Variants in RIPOR2 observed in about 807,000 individuals in gnomAD.
RIPOR2 encodes the protein rho family-interacting cell polarization regulator 2.
Under a neutral mutation model 114.5 loss-of-function variants are expected in RIPOR2, and 39 were observed. That is an observed-to-expected ratio of 0.34 (90% CI 0.26 to 0.44). The LOEUF (loss-of-function observed/expected upper bound fraction) is 0.44. RIPOR2 is among the 20% of genes least tolerant of loss of function. The pLI, the probability that RIPOR2 is intolerant of heterozygous loss-of-function variation, is 1.00. For missense variants in RIPOR2, 1,007 were observed against 1,255.1 expected (o/e 0.80, Z 2.99); for synonymous variants, 445 against 484.4 (o/e 0.92, Z 1.07).
chr6:24,927,318 TACCACCATCACCACC>T (rs1771012211), intron 1 of RIPOR2, among the ~76,000 whole-genome samples: 1 of 4,010 alleles, frequency 2.5e-4, no homozygotes, highest in East Asian at 7.5e-3. Context: ...CTACAATCAC[TACCACCATCACCACC>T]ACCACCACCA....
In RIPOR2 at chr6:24,883,370, T is replaced by C. The variant is rs1415363679; in HGVS notation, c.62-7553A>G. ...GACCAACCCCTCTGAGACAAGACAA[T>C]TGACCCATAGATCAGTTGGCTGTAG... is the stretch of plus-strand genomic sequence containing the variant. On this transcript the variant is annotated intron_variant, in intron 1 of 21. Coordinates refer to ENST00000643898, the MANE Select transcript of RIPOR2 (RefSeq NM_001286445.3). This position sits in a 1 kb window ranked among gnomAD's most constrained non-coding sequence, Gnocchi z 4.1. Among the ~76,000 whole-genome samples, 1 of 152,152 alleles carries C rather than the reference T, an allele frequency of 6.6e-6. No individual in the cohort carries two copies. The highest frequency in any genetic ancestry group is 2.4e-5 in the African/African-American group (1 of 41,444).
chr6:24,841,683 T>A (rs1390805047), intron 13 of RIPOR2, among the ~76,000 whole-genome samples: 3 of 151,628 alleles, frequency 2.0e-5, no homozygotes, highest in African/African-American at 7.3e-5. Flanking sequence ...AGTGACGTGA[T>A]CTCGGCTCAC....
Position 24,835,748 on chromosome 6 carries a change from G to A in RIPOR2, c.2163C>T (p.Asp721=). 6.4e-7 allele frequency: 1 copy of A among 1,551,654 alleles called. No homozygotes were observed. The highest frequency in any genetic ancestry group is 1.4e-5 in the African/African-American group (1 of 73,166). ...LPLTTGNESL[D]ITIVRHLQYC... Reference sequence around the variant, plus strand: ...ACTGGAGGTGCCTGACGATGGTGATGTCCAGGCTCTCGTTGCCTGTGGTCA... The same window carrying A: ...ACTGGAGGTGCCTGACGATGGTGATATCCAGGCTCTCGTTGCCTGTGGTCA... The change falls in exon 15 of 22, where the codon GAC becomes GAT. Residue 721 remains aspartate (D), a synonymous_variant. Transcript: ENST00000643898.
In RIPOR2 at chr6:24,872,938, C is replaced by T; in HGVS notation, c.366G>A (p.Gln122=). 6.2e-7 allele frequency: 1 copy of T among 1,611,458 alleles called. No homozygotes were observed. Among genetic ancestry groups the T allele is most frequent in the Non-Finnish European group, 8.5e-7 (1 of 1,177,764 alleles). The change falls in exon 4 of 22, where the codon CAG becomes CAA. Residue 122 remains glutamine (Q), a synonymous_variant. Transcript: ENST00000643898. ...GAGCTGTCAACTTGTCCAGCTCCGT[C>T]TGGTGAACCTCCAGATATTCACTGC... is the stretch of plus-strand genomic sequence containing the variant. ...NGLDEYLEVH[Q]TELDKLTAQL... is the part of the protein sequence containing the mutation.
intron 1 of RIPOR2, chr6:25,024,142 C>T (rs1444897957): frequency 4.0e-6 from 4 of 1,011,674 alleles, no homozygotes; most frequent in African/African-American, 1.6e-5. Context: ...CCGGTGGCGC[C>T]GCGGGACACC....
intron 1 of RIPOR2, among the ~76,000 whole-genome samples, chr6:24,925,690 G>A (rs1290827779): frequency 1.3e-5 from 2 of 149,776 alleles, no homozygotes; most frequent in Non-Finnish European, 3.0e-5. Flanking sequence ...GACAGAGTGA[G>A]ACTCCATCTC....
rs1316865702 is a variant in RIPOR2, at chr6:24,858,819, C to T, written c.715+2154G>A. ...TCAGTCCATCAGGGCTGCGATGTAG[C>T]GGGGTGGCCAGGTCCCCCAGTAGGT... On this transcript the variant is annotated intron_variant, in intron 8 of 21. Coordinates refer to ENST00000643898, the MANE Select transcript of RIPOR2 (RefSeq NM_001286445.3). This position sits in a 1 kb window ranked among gnomAD's most constrained non-coding sequence, Gnocchi z 4.0. Among the ~76,000 whole-genome samples the T allele has an allele frequency of 2.0e-5, 3 of 152,128 alleles. No individual in the cohort carries two copies. The highest frequency in any genetic ancestry group is 7.2e-5 in the African/African-American group (3 of 41,420).
rs535032525 is a variant in RIPOR2 at position 24,858,913 on chromosome 6, G to T, written c.715+2060C>A. ...AAGCTCCAGATCTGGTCCGAGGGTG[G>T]TCCCTTTCCTCCCCATCCCACTCCT... On this transcript the variant is annotated intron_variant, in intron 8 of 21. Transcript: ENST00000643898. The surrounding 1 kb of genome is among the most constrained non-coding windows in gnomAD (Gnocchi z 4.0). Among the ~76,000 whole-genome samples, 55 of 152,102 alleles carry T rather than the reference G, an allele frequency of 3.6e-4. No homozygotes were observed. Among genetic ancestry groups the T allele is most frequent in the Non-Finnish European group, 6.5e-4 (44 of 68,010 alleles).
At chr6:24,897,669 C>G (rs546397471) in intron 1 of RIPOR2, among the ~76,000 whole-genome samples, 1 of 152,280 alleles carries the variant, frequency 6.6e-6, no homozygotes. Context: ...GAGTTGGCTC[C>G]GAGGCAATTT....
At chr6:24,951,516 G>T (rs914086006) in intron 1 of RIPOR2, among the ~76,000 whole-genome samples, 2 of 152,134 alleles carry the variant, frequency 1.3e-5, no homozygotes, top group Non-Finnish European at 2.9e-5. Context: ...AGAGAATTCC[G>T]AAGCAACTGT....
chr6:24,850,013 G>T, intron 10 of RIPOR2, 63 bp from the exon 11 acceptor site: 3 of 1,418,856 alleles, frequency 2.1e-6, no homozygotes, highest in South Asian at 1.3e-5. Flanking sequence ...GTAGAATAAT[G>T]TGTCATTTTT....
At chr6:24,872,992 T>A in intron 3 of RIPOR2, 33 bp from the exon 4 acceptor site, 1 of 1,438,876 alleles carries the variant, frequency 6.9e-7, no homozygotes, top group Non-Finnish European at 9.8e-7. Context: ...AATCGTAATC[T>A]CTGCGCCTGT....
At chr6:24,886,518 T>C (rs1251051036) in intron 1 of RIPOR2, among the ~76,000 whole-genome samples, 1 of 152,240 alleles carries the variant, frequency 6.6e-6, no homozygotes, top group African/African-American at 2.4e-5. Flanking sequence ...GGACAGTTTC[T>C]TGGCAATTCT....
At position 25,015,906 on chromosome 6, in the gene RIPOR2, T is replaced by G. The variant is rs1437969843; in HGVS notation, c.76+25945A>C. 20 of 135,812 alleles carry G rather than the reference T, an allele frequency of 1.5e-4. No individual in the cohort carries two copies. The East Asian group carries it at 2.9e-3, about 20-fold the overall frequency. 8.4% of individuals were successfully genotyped at this position (135,812 alleles called of 1,614,324 possible). On this transcript the variant is annotated intron_variant, in intron 1 of 13. Coordinates refer to the RIPOR2 transcript ENST00000510784. ...AACGCAGGTTTTTTGGTTTTTTTTT[T>G]TTTTTTTTTTTTTTTTTTAAGGAGT...
intron 1 of RIPOR2, among the ~76,000 whole-genome samples, chr6:24,878,546 A>G (rs1336163539): frequency 1.3e-5 from 2 of 152,184 alleles, no homozygotes; most frequent in Admixed American, 6.5e-5. Context: ...TCATTATCTC[A>G]TACCTCTTAG....
rs1760346320 is a variant in RIPOR2, at chr6:24,828,154, C to T, written c.2648G>A (p.Ser883Asn). Residue 883 changes from serine (S) to asparagine (N), a missense_variant, in exon 18 of 22, where the codon AGC becomes AAC. Physicochemically the swap from Ser to Asn is conservative, Grantham distance 46. Coordinates refer to ENST00000643898, the MANE Select transcript of RIPOR2 (RefSeq NM_001286445.3). ...TGTCCCACCTTGCCTGGCCAGCTGG[C>T]TCAGGTAACTCTCCAGGTCACTGAC... ...HGVSDLESYL[S>N]QLARQVSMVQ... is the part of the protein sequence containing the mutation. The T allele has an allele frequency of 6.5e-7, 1 of 1,548,106 alleles. No individual in the cohort carries two copies. The highest frequency in any genetic ancestry group is 1.4e-5 in the African/African-American group (1 of 72,926).
At chr6:24,914,556 G>A (rs1321146336) in intron 1 of RIPOR2, among the ~76,000 whole-genome samples, 1 of 152,150 alleles carries the variant, frequency 6.6e-6, no homozygotes, top group Non-Finnish European at 1.5e-5. Context: ...GGTGCTATAG[G>A]AACTGTGATT....
intron 12 of RIPOR2, among the ~76,000 whole-genome samples, chr6:24,844,268 C>T (rs559691560): frequency 1.1e-4 from 17 of 152,258 alleles, no homozygotes; most frequent in African/African-American, 3.6e-4. Context: ...GTCACAGGTA[C>T]GCCCTGTGCT....
At chr6:24,844,118 C>T (rs1406475066) in intron 12 of RIPOR2, among the ~76,000 whole-genome samples, 1 of 152,102 alleles carries the variant, frequency 6.6e-6, no homozygotes, top group Non-Finnish European at 1.5e-5. Flanking sequence ...TAATTCAAGG[C>T]CAGCCATACA....
Sources: gnomAD v4.1 joint callset for allele counts (sites outside exome capture counted in the v4.1 genomes callset) on GRCh38, gnomAD v4.1.1 for gene constraint, Gnocchi (gnomAD v3.1) non-coding constraint, MANE v1.5 for transcripts, NCBI Gene and HGNC (gene_info 2026-07-23, HGNC 2026-07-21) for gene names.